Variants in MEP1B observed in about 807,000 individuals in gnomAD.
The protein encoded by MEP1B is N-benzoyl-L-tyrosyl-P-amino-benzoic acid hydrolase subunit beta.
MEP1B carries 80 observed loss-of-function variants against 84.6 expected under a neutral mutation model. The observed-to-expected ratio is 0.95, with a 90% confidence interval of 0.79 to 1.14. MEP1B has a LOEUF of 1.14. Among genes scored for constraint, MEP1B ranks in the 50% most tolerant of loss-of-function variants. MEP1B has a pLI of 0.00. For synonymous variants in MEP1B, 273 were observed against 288.1 expected (o/e 0.95, Z 0.53); for missense variants, 766 against 855.1 (o/e 0.90, Z 1.30).
In MEP1B at chr18:32,207,448, G is replaced by A. The variant is rs753148487; in HGVS notation, c.744G>A (p.Lys248=). The A allele has an allele frequency of 6.2e-7, 1 of 1,610,964 alleles. No individual in the cohort carries two copies. Among genetic ancestry groups the A allele is most frequent in the Non-Finnish European group, 8.5e-7 (1 of 1,178,148 alleles). Residue 248 remains lysine (K), a synonymous_variant, in exon 8 of 15, where the codon AAG becomes AAA. Coordinates refer to ENST00000269202, the MANE Select transcript of MEP1B (RefSeq NM_005925.3). The stretch of plus-strand genomic sequence containing the variant: ...ATTTCAGTGACTCTGATCTCCTAAA[G>A]TTGAATCAACTGTATAACTGCTGTA... The part of the protein sequence containing the change: ...RMDFSDSDLL[K]LNQLYNCSSS...
At position 32,204,197 on chromosome 18, in the gene MEP1B, A is replaced by G. The variant is rs151165344; in HGVS notation, c.384A>G (p.Val128=). 472 of 1,606,612 alleles carry G rather than the reference A, an allele frequency of 2.9e-4. 2 individuals are homozygous for G. In the African/African-American group the frequency reaches 4.9e-3, roughly 17 times the overall value. The stretch of plus-strand genomic sequence containing the variant: ...CTCCTGTAAGCTGCTGGTCTTCAGT[A>G]GGAAATAGGCGGGTTGGGAAGCAAG... ...VFKGSGCWSS[V]GNRRVGKQEL... The change falls in exon 7 of 15, where the codon GTA becomes GTG. Residue 128 remains valine (V), a synonymous_variant. Transcript: ENST00000269202.
At chr18:32,214,993 T>G in intron 11 of MEP1B, 89 bp from the exon 12 acceptor site, 1 of 905,736 alleles carries the variant, frequency 1.1e-6, no homozygotes, top group Non-Finnish European at 1.8e-6. Context: ...AGTTCCAGCC[T>G]AATTGTGTTT....
In MEP1B at chr18:32,190,109, T is replaced by G; in HGVS notation, c.39T>G (p.Asp13Glu). The change falls in exon 1 of 15, where the codon GAT becomes GAG. Residue 13 changes from aspartate (D) to glutamate (E), a missense_variant. Physicochemically the swap from Asp to Glu is conservative, Grantham distance 45. Coordinates refer to ENST00000269202, the MANE Select transcript of MEP1B (RefSeq NM_005925.3). The part of the protein sequence containing the change: ...LWNLSWFLFL[D>E]ALLVISGLAT... ...ATCTGTCTTGGTTTCTGTTCTTGGATGCTCTTCTCGTGATTTCTGGCTTGG... is the reference window on the plus strand; with the variant it reads ...ATCTGTCTTGGTTTCTGTTCTTGGAGGCTCTTCTCGTGATTTCTGGCTTGG... The G allele has an allele frequency of 6.2e-7, 1 of 1,613,590 alleles. No homozygotes were observed. Among genetic ancestry groups the G allele is most frequent in the Non-Finnish European group, 8.5e-7 (1 of 1,179,682 alleles).
At chr18:32,218,043 T>C in intron 14 of MEP1B, 78 bp downstream of exon 14, 3 of 1,358,482 alleles carry the variant, frequency 2.2e-6, no homozygotes, top group East Asian at 2.4e-5. Flanking sequence ...ATTTTTTATA[T>C]ACTTTGGTTC....
At chr18:32,208,732 C>T (rs140332542) in intron 9 of MEP1B, among the ~76,000 whole-genome samples, 11 of 152,176 alleles carry the variant, frequency 7.2e-5, no homozygotes, top group African/African-American at 1.4e-4. Context: ...TCTTCAGATG[C>T]GTATCCTTTT....
rs1427950249 is a variant in MEP1B, at chr18:32,217,131, G to A, written c.1886+14G>A. The A allele has an allele frequency of 6.2e-7, 1 of 1,611,560 alleles. No individual in the cohort carries two copies. Among genetic ancestry groups the A allele is most frequent in the East Asian group, 2.2e-5 (1 of 44,848 alleles). The stretch of plus-strand genomic sequence containing the variant: ...AGCTGAGTGCAGGTAAGGATGATTT[G>A]AAAGAGATCTCTCCATTCTTTGGTT... On this transcript the variant is annotated intron_variant, in intron 13 of 14. Transcript: ENST00000269202.
At chr18:32,197,405 G>GTTTTTTTTTTTTTTTTTT (rs34303503) in intron 5 of MEP1B, among the ~76,000 whole-genome samples, 1 of 142,162 alleles carries the variant, frequency 7.0e-6, no homozygotes. Flanking sequence ...TTTCATTTTT[G>GTTTTTTTTTTTTTTTTTT]TTTTTTTTTT....
At chr18:32,195,942 G>C (rs2144381613) in intron 5 of MEP1B, 1 of 270,628 alleles carries the variant, frequency 3.7e-6, no homozygotes, top group Non-Finnish European at 7.1e-6. Context: ...CTCTTCCCAT[G>C]GCAGGTATGC....
intron 7 of MEP1B, among the ~76,000 whole-genome samples, chr18:32,204,838 T>G (rs1218483480): frequency 6.6e-6 from 1 of 151,694 alleles, no homozygotes; most frequent in Admixed American, 6.6e-5. Context: ...CAAGGGAGAG[T>G]CAGAGAGAAA....
rs2040974786 is a variant in MEP1B at position 32,207,245 on chromosome 18, C to T, written c.548-7C>T. 4 of 1,578,662 alleles carry T rather than the reference C, an allele frequency of 2.5e-6. No homozygotes were observed. The highest frequency in any genetic ancestry group is 2.2e-5 in the South Asian group (2 of 89,022). On this transcript the variant is annotated splice_polypyrimidine_tract_variant and splice_region_variant and intron_variant, in intron 7 of 14. Coordinates refer to ENST00000269202, the MANE Select transcript of MEP1B (RefSeq NM_005925.3). ...CATCAAGTAAAGATTTTTTATTTAT[C>T]CTTTAGGCAGAGAGCACAATTTTAA...
intron 13 of MEP1B, 125 bp from the exon 14 acceptor site, chr18:32,217,636 A>C: frequency 2.5e-6 from 2 of 786,046 alleles, no homozygotes; most frequent in South Asian, 3.2e-5. Context: ...AGTGGGTAAA[A>C]TAGTTTCATA....
chr18:32,220,121 G>T, intron 14 of MEP1B, 110 bp from the exon 15 acceptor site: 1 of 1,012,830 alleles, frequency 9.9e-7, no homozygotes, highest in Non-Finnish European at 1.5e-6. Context: ...GAGGCCAGGA[G>T]ACTGCTGATG....
In MEP1B at chr18:32,196,063, C is replaced by A. The variant is rs186244029; in HGVS notation, c.250+578C>A. On this transcript the variant is annotated intron_variant, in intron 5 of 14. Transcript: ENST00000269202. The surrounding 1 kb of genome is among the most constrained non-coding windows in gnomAD (Gnocchi z 4.4). ...CGGGGAAGAAGGGTCATTGGCAGCC[C>A]GGGGCTGGGAACCCAGGTCCTCTGG... 5 of 437,064 alleles carry A rather than the reference C, an allele frequency of 1.1e-5. No homozygotes were observed. In the East Asian group the frequency reaches 2.1e-4, roughly 18 times the overall value. The allele number at this position is 437,064 out of a possible 1,614,324, so 27.1% of individuals were successfully genotyped here. A position where few individuals can be genotyped will look rare whatever the true frequency, so the allele number is the denominator to read the frequency against.
chr18:32,191,781 G>T, intron 1 of MEP1B, 41 bp from the exon 2 acceptor site: 1 of 1,374,686 alleles, frequency 7.3e-7, no homozygotes, highest in Non-Finnish European at 1.0e-6. Context: ...CCATTCCTGG[G>T]CATTATAATA....
Position 32,196,739 on chromosome 18 carries a change from G to A in MEP1B, c.250+1254G>A. ...GGGCCAGGGACAGCTGCCTGCTGGT[G>A]AAGCAGTGCAGGGCCAGGTGCATGT... is the stretch of plus-strand genomic sequence containing the variant. On this transcript the variant is annotated intron_variant, in intron 5 of 14. Coordinates refer to ENST00000269202, the MANE Select transcript of MEP1B (RefSeq NM_005925.3). The surrounding 1 kb of genome is among the most constrained non-coding windows in gnomAD (Gnocchi z 4.4). The A allele has an allele frequency of 1.6e-6, 1 of 641,446 alleles. No individual in the cohort carries two copies. The highest frequency in any genetic ancestry group is 2.8e-6 in the Non-Finnish European group (1 of 352,094). 39.7% of individuals were successfully genotyped at this position (641,446 alleles called of 1,614,324 possible). A position where few individuals can be genotyped will look rare whatever the true frequency, so the allele number is the denominator to read the frequency against.
chr18:32,190,224 T>C lies in MEP1B; in HGVS notation c.63+91T>C, dbSNP rs1032074164. On this transcript the variant is annotated intron_variant, in intron 1 of 14. Transcript: ENST00000269202. ...ACAAGTGTTTTTTTTTTGTTTGTTT[T>C]TTATACATCTTGAAATGTTGATCTC... 6.6e-6 allele frequency: 6 copies of C among 905,818 alleles called. No homozygotes were observed. The East Asian group carries it at 7.8e-5, about 12-fold the overall frequency. The allele number at this position is 905,818 out of a possible 1,614,324, so 56.1% of individuals were successfully genotyped here. A position where few individuals can be genotyped will look rare whatever the true frequency, so the allele number is the denominator to read the frequency against.
At chr18:32,207,580 A>T in intron 8 of MEP1B, 110 bp downstream of exon 8, 1 of 719,738 alleles carries the variant, frequency 1.4e-6, no homozygotes, top group South Asian at 1.7e-5. Context: ...GATTATAGAG[A>T]TTTGATATTC....
chr18:32,201,595 A>G (rs991186715), intron 5 of MEP1B, among the ~76,000 whole-genome samples: 1 of 152,182 alleles, frequency 6.6e-6, no homozygotes, highest in African/African-American at 2.4e-5. Flanking sequence ...TGCTATGTAG[A>G]TGACTTTATT....
At chr18:32,194,235 C>A (rs2040830456) in intron 4 of MEP1B, among the ~76,000 whole-genome samples, 1 of 152,070 alleles carries the variant, frequency 6.6e-6, no homozygotes, top group Non-Finnish European at 1.5e-5. Flanking sequence ...AATTCAGGCC[C>A]CATCATCTCT....
Sources: gnomAD v4.1 joint callset for allele counts (sites outside exome capture counted in the v4.1 genomes callset) on GRCh38, gnomAD v4.1.1 for gene constraint, Gnocchi (gnomAD v3.1) non-coding constraint, MANE v1.5 for transcripts, NCBI Gene and HGNC (gene_info 2026-07-23, HGNC 2026-07-21) for gene names.